Variants in SDK1 observed in about 807,000 individuals in gnomAD.
SDK1 encodes sidekick cell adhesion molecule 1, also known as protein sidekick-1.
A neutral mutation model predicts 245.5 loss-of-function variants in SDK1; 157 were observed. The observed-to-expected ratio is 0.64, with a 90% CI of 0.56 to 0.73. The LOEUF (loss-of-function observed/expected upper bound fraction) is 0.73, where lower values mean the gene tolerates loss of function less well. Among genes scored for constraint, SDK1 ranks in the 30% least tolerant of loss-of-function variants. The pLI, the probability that SDK1 is intolerant of heterozygous loss-of-function variation, is 0.00. For synonymous variants in SDK1, 1,647 were observed against 1,278.5 expected (o/e 1.29, Z -6.15); for missense variants, 3,583 against 3,002.3 (o/e 1.19, Z -4.52).
chr7:3,403,824 CATATATATATATAT>C (rs10650660), intron 1 of SDK1, among the ~76,000 whole-genome samples: 3,786 of 60,666 alleles, frequency 0.062, 136 homozygotes, highest in Middle Eastern at 0.1. Context: ...AAATATCTTA[CATATATATATATAT>C]ATATATATAT....
intron 17 of SDK1, among the ~76,000 whole-genome samples, chr7:4,039,552 AT>A (rs1788462398): frequency 6.6e-6 from 1 of 152,226 alleles, no homozygotes; most frequent in Non-Finnish European, 1.5e-5. Flanking sequence ...ATTAACCAAA[AT>A]GAGCAATATT....
chr7:3,509,296 T>C (rs1008689624), intron 1 of SDK1, among the ~76,000 whole-genome samples: 2 of 152,176 alleles, frequency 1.3e-5, no homozygotes, highest in African/African-American at 4.8e-5. Context: ...CTAATATTCA[T>C]GATAGGAGCT....
At chr7:3,832,913 C>G (rs1416972081) in intron 5 of SDK1, among the ~76,000 whole-genome samples, 2 of 151,958 alleles carry the variant, frequency 1.3e-5, no homozygotes, top group East Asian at 3.9e-4. Flanking sequence ...AGCCTGTGAC[C>G]TCTGCTTGTC....
chr7:3,658,171 C>T (rs1195885598), intron 4 of SDK1, among the ~76,000 whole-genome samples: 1 of 152,168 alleles, frequency 6.6e-6, no homozygotes, highest in Non-Finnish European at 1.5e-5. Context: ...CATCCCCTCA[C>T]AGGTGTTAAG....
chr7:4,037,599 G>A lies in SDK1; in HGVS notation c.2603-11749G>A, dbSNP rs114910097. 7.4e-3 allele frequency among the ~76,000 whole-genome samples: 1,127 copies of A among 152,234 alleles called. 17 individuals are homozygous for A. Among genetic ancestry groups the A allele is most frequent in the African/African-American group, 0.025 (1,029 of 41,534 alleles). Reference sequence around the variant, plus strand: ...TGAAACATTGCATCCCAGCTTGGGCGACAGTGCAAGACCACATCTCAAAAA... The same window carrying A: ...TGAAACATTGCATCCCAGCTTGGGCAACAGTGCAAGACCACATCTCAAAAA... On this transcript the variant is annotated intron_variant, in intron 17 of 44. Transcript: ENST00000404826.
intron 5 of SDK1, 55 bp downstream of exon 5, chr7:3,821,638 T>C: frequency 6.3e-7 from 1 of 1,586,204 alleles, no homozygotes; most frequent in Non-Finnish European, 8.6e-7. Flanking sequence ...CTTGCTTTAA[T>C]CAGTAACCAC....
intron 4 of SDK1, among the ~76,000 whole-genome samples, chr7:3,690,528 G>A (rs949972988): frequency 2.0e-5 from 3 of 152,010 alleles, no homozygotes; most frequent in Middle Eastern, 3.4e-3. Context: ...CCTTTTGCTG[G>A]CATTTAGGAT....
At chr7:3,717,941 A>G (rs1785249060) in intron 4 of SDK1, among the ~76,000 whole-genome samples, 1 of 151,482 alleles carries the variant, frequency 6.6e-6, no homozygotes, top group Admixed American at 6.6e-5. Context: ...GATACCTGGA[A>G]CAGCCAAAGA....
intron 4 of SDK1, among the ~76,000 whole-genome samples, chr7:3,695,677 C>T (rs1006923971): frequency 2.6e-5 from 4 of 152,184 alleles, no homozygotes. Context: ...AGCATTTCAA[C>T]TCAACACAGT....
intron 1 of SDK1, among the ~76,000 whole-genome samples, chr7:3,305,758 G>C (rs1309133669): frequency 6.6e-6 from 1 of 152,148 alleles, no homozygotes; most frequent in African/African-American, 2.4e-5. Flanking sequence ...GTTGGTTACT[G>C]TCTTCCAAAT....
At chr7:3,627,859 T>C (rs908719508) in intron 2 of SDK1, among the ~76,000 whole-genome samples, 3 of 152,196 alleles carry the variant, frequency 2.0e-5, no homozygotes, top group African/African-American at 7.2e-5. Context: ...CCCACCCCCA[T>C]TGGGCTATTT....
chr7:3,538,540 T>C (rs539353309), intron 1 of SDK1, among the ~76,000 whole-genome samples: 1 of 152,344 alleles, frequency 6.6e-6, no homozygotes, highest in East Asian at 1.9e-4. Context: ...ATTATCCTTA[T>C]TTATGCTTAA....
At chr7:4,111,004 T>A (rs987156435) in intron 23 of SDK1, among the ~76,000 whole-genome samples, 7 of 152,180 alleles carry the variant, frequency 4.6e-5, no homozygotes, top group African/African-American at 1.7e-4. Flanking sequence ...CAGTACCAGC[T>A]GGCAAAACAC....
At chr7:3,913,365 C>A (rs1251869968) in intron 5 of SDK1, among the ~76,000 whole-genome samples, 8 of 150,348 alleles carry the variant, frequency 5.3e-5, no homozygotes, top group African/African-American at 2.0e-4. Flanking sequence ...ACGATCTCGG[C>A]TCACTGCAAC....
At chr7:3,674,666 A>T (rs925141737) in intron 4 of SDK1, among the ~76,000 whole-genome samples, 4 of 152,178 alleles carry the variant, frequency 2.6e-5, no homozygotes, top group African/African-American at 9.7e-5. Flanking sequence ...TGTGTTGTTC[A>T]GTGTTTGATA....
At position 4,034,548 on chromosome 7, in the gene SDK1, G is replaced by A. The variant is rs78219538; in HGVS notation, c.2603-14800G>A. On this transcript the variant is annotated intron_variant, in intron 17 of 44. Transcript: ENST00000404826. ...TTTCAAAATGAAAATTATCTTTGGCGTTTAAAAATGTTTCTCATTCTTTTT... is the reference window on the plus strand; with the variant it reads ...TTTCAAAATGAAAATTATCTTTGGCATTTAAAAATGTTTCTCATTCTTTTT... 3.7e-3 allele frequency among the ~76,000 whole-genome samples: 561 copies of A among 152,226 alleles called. 6 individuals are homozygous for A. The South Asian group carries it at 0.039, about 11-fold the overall frequency.
At chr7:3,630,442 G>T (rs911588593) in intron 2 of SDK1, among the ~76,000 whole-genome samples, 1 of 152,184 alleles carries the variant, frequency 6.6e-6, no homozygotes, top group Non-Finnish European at 1.5e-5. Context: ...ATATTTCTGT[G>T]TACTAGCAAA....
In SDK1 at chr7:4,258,021, G is replaced by A. The variant is rs967649996; in HGVS notation, c.6382-7103G>A. On this transcript the variant is annotated intron_variant, in intron 44 of 44. Coordinates refer to ENST00000404826, the MANE Select transcript of SDK1 (RefSeq NM_152744.4). ...GAATCACTGCGAGTTGGACGACCAA[G>A]CACTCCCAATTTGTGTCTCCCGCCA... Among the ~76,000 whole-genome samples the A allele has an allele frequency of 2.6e-5, 4 of 152,284 alleles. No homozygotes were observed. In the South Asian group the frequency reaches 8.3e-4, roughly 32 times the overall value.
intron 4 of SDK1, among the ~76,000 whole-genome samples, chr7:3,714,738 G>C (rs1785151658): frequency 6.6e-6 from 1 of 152,184 alleles, no homozygotes; most frequent in Admixed American, 6.5e-5. Flanking sequence ...TTCCATGCTT[G>C]AAGCGTTGAG....
Sources: allele counts gnomAD v4.1 joint callset (sites outside exome capture counted in the v4.1 genomes callset), GRCh38; gene constraint gnomAD v4.1.1; transcripts MANE v1.5; gene names NCBI Gene and HGNC (gene_info 2026-07-23, HGNC 2026-07-21).